Variants in ANKRD34B observed in about 807,000 individuals in gnomAD.
ANKRD34B encodes the protein ankyrin repeat domain-containing protein 34B.
Under a neutral mutation model 4.4 loss-of-function variants are expected in ANKRD34B, and 2 were observed. That is an observed-to-expected ratio of 0.46 (90% CI 0.19 to 1.44). The LOEUF is 1.44. Ranked by LOEUF, ANKRD34B falls within the 40% of genes most tolerant of loss-of-function variation. The probability of loss-of-function intolerance (pLI) is 0.26; values close to 1 mark genes in which losing one functional copy is unlikely to be tolerated. For synonymous variants in ANKRD34B, 226 were observed against 227.1 expected (o/e 0.99, Z 0.05); for missense variants, 558 against 604.7 (o/e 0.92, Z 0.81).
At chr5:80,561,268 A>G (rs1160908936) in intron 4 of ANKRD34B, among the ~76,000 whole-genome samples, 1 of 152,112 alleles carries the variant, frequency 6.6e-6, no homozygotes, top group Non-Finnish European at 1.5e-5. Context: ...AACAGTCCTT[A>G]GAGTTGGGAG....
Position 80,559,495 on chromosome 5 carries a change from A to T in ANKRD34B, c.525T>A (p.Asp175Glu). The change falls in exon 5 of 5, where the codon GAT becomes GAA. Residue 175 changes from aspartate to glutamate, a missense_variant. By Grantham distance (45) the Asp-to-Glu change is conservative. Coordinates refer to ENST00000338682, the MANE Select transcript of ANKRD34B (RefSeq NM_001004441.3). ...TGCAGGTAGCTGGGGAATGACACCC[A>T]TCTATATCCACAGGAGGCATATTTA... ...QYLNMPPVDIDGCHSPATCTT... is the reference protein window; with the variant it reads ...QYLNMPPVDIEGCHSPATCTT... 6.2e-7 allele frequency: 1 copy of T among 1,614,188 alleles called. No homozygotes were observed. The highest frequency in any genetic ancestry group is 8.5e-7 in the Non-Finnish European group (1 of 1,180,036).
intron 2 of ANKRD34B, among the ~76,000 whole-genome samples, chr5:80,567,377 T>G (rs1746600332): frequency 6.6e-6 from 1 of 151,554 alleles, no homozygotes; most frequent in Non-Finnish European, 1.5e-5. Flanking sequence ...CCCAGCACTT[T>G]GGGAGGCCGA....
chr5:80,569,832 G>T (rs1746703080), intron 1 of ANKRD34B, among the ~76,000 whole-genome samples: 1 of 152,206 alleles, frequency 6.6e-6, no homozygotes, highest in Non-Finnish European at 1.5e-5. Context: ...CTGGAACCGA[G>T]AACCAGTGGG....
intron 4 of ANKRD34B, 29 bp from the exon 5 acceptor site, chr5:80,560,071 A>C (rs777893126): frequency 6.0e-6 from 8 of 1,324,136 alleles, no homozygotes; most frequent in Non-Finnish European, 8.3e-6. Context: ...AAAGACCAAA[A>C]GATTAGCCAG....
rs777963590 is a variant in ANKRD34B, at chr5:80,558,616, CTTG to C, written c.1401_1403del (p.Asn467del). Reference sequence around the variant, plus strand: ...GACCACAAGAAAGAAGGCTGCAAATCTTGTTGTTGACATTGATATCTGAGATGG... The same window carrying C: ...GACCACAAGAAAGAAGGCTGCAAATCTTGTTGACATTGATATCTGAGATGG... On this transcript the variant is annotated inframe_deletion, in exon 5 of 5. Transcript: ENST00000338682. The C allele has an allele frequency of 7.4e-6, 12 of 1,613,988 alleles. No homozygotes were observed. The African/African-American group carries it at 1.2e-4, about 16-fold the overall frequency.
intron 4 of ANKRD34B, among the ~76,000 whole-genome samples, chr5:80,562,579 A>G (rs1462476558): frequency 6.6e-6 from 1 of 152,232 alleles, no homozygotes; most frequent in African/African-American, 2.4e-5. Flanking sequence ...CCACGCCCTC[A>G]GCCCTCAGGG....
In ANKRD34B at chr5:80,558,961, G is replaced by A. The variant is rs1237899338; in HGVS notation, c.1059C>T (p.Ser353=). 6.2e-7 allele frequency: 1 copy of A among 1,614,138 alleles called. No homozygotes were observed. Among genetic ancestry groups the A allele is most frequent in the Admixed American group, 1.7e-5 (1 of 60,028 alleles). ...DPDSNQTIFA[S]TLRSIVQKRN... is the part of the protein sequence containing the mutation. ...TTTTTTGAACTATACTTCTTAAGGT[G>A]GAAGCAAATATTGTCTGGTTAGAAT... Residue 353 remains serine (S), a synonymous_variant, in exon 5 of 5, where the codon TCC becomes TCT. Transcript: ENST00000338682.
chr5:80,569,580 ACGCGCCCAAG>A (rs1746692518), intron 1 of ANKRD34B, among the ~76,000 whole-genome samples: 1 of 7,444 alleles, frequency 1.3e-4, no homozygotes, highest in African/African-American at 2.3e-4. Context: ...ACCTGCGGAG[ACGCGCCCAAG>A]TCAGCCCCTC....
rs934173754 is a variant in ANKRD34B at position 80,556,980 on chromosome 5, C to A, written c.*1495G>T. On this transcript the variant is annotated 3_prime_UTR_variant, in exon 5 of 5. Coordinates refer to ENST00000338682, the MANE Select transcript of ANKRD34B (RefSeq NM_001004441.3). ...TTGTTCAAGACATGAAATGGAAAAACCTCTAATTACTTTTTAAAATAAAAG... is the reference window on the plus strand; with the variant it reads ...TTGTTCAAGACATGAAATGGAAAAAACTCTAATTACTTTTTAAAATAAAAG... 1 of 152,372 alleles carries A rather than the reference C, an allele frequency of 6.6e-6. No homozygotes were observed. The highest frequency in any genetic ancestry group is 1.5e-5 in the Non-Finnish European group (1 of 67,984). The allele number at this position is 152,372 out of a possible 1,614,324, so 9.4% of individuals were successfully genotyped here.
intron 2 of ANKRD34B, among the ~76,000 whole-genome samples, chr5:80,568,498 C>T (rs1746642445): frequency 6.6e-6 from 1 of 152,140 alleles, no homozygotes; most frequent in Admixed American, 6.5e-5. Context: ...TGCTGCCCTG[C>T]CTTTCCTAGA....
chr5:80,560,896 G>A (rs879567317), intron 4 of ANKRD34B, among the ~76,000 whole-genome samples: 5 of 152,110 alleles, frequency 3.3e-5, no homozygotes, highest in African/African-American at 9.7e-5. Flanking sequence ...GGGCTACAAC[G>A]TGTTAAAATA....
chr5:80,563,366 A>G (rs78189774), intron 4 of ANKRD34B, among the ~76,000 whole-genome samples: 3,701 of 152,300 alleles, frequency 0.024, 153 homozygotes, highest in African/African-American at 0.084. Context: ...ACTCTTCTAT[A>G]TATCACTTTT....
rs1746326329 is a variant in ANKRD34B, at chr5:80,558,810, A to G, written c.1210T>C (p.Leu404=). ...TCCAACAATTCTTTGGACTCTGACA[A>G]TTGGGAAGGAGATGGTGAGAGGATC... The part of the protein sequence containing the change: ...KKILSPSPSQ[L]SESKELLENI... Residue 404 remains leucine (L), a synonymous_variant, in exon 5 of 5, where the codon TTG becomes CTG. Transcript: ENST00000338682. 1.2e-6 allele frequency: 2 copies of G among 1,614,084 alleles called. No individual in the cohort carries two copies. Among genetic ancestry groups the G allele is most frequent in the Non-Finnish European group, 1.7e-6 (2 of 1,180,016 alleles).
rs768486476 is a variant in ANKRD34B, at chr5:80,558,994, C to T, written c.1026G>A (p.Gln342=). The T allele has an allele frequency of 6.2e-6, 10 of 1,614,026 alleles. No individual in the cohort carries two copies. Among genetic ancestry groups the T allele is most frequent in the Middle Eastern group, 3.3e-4 (2 of 6,084 alleles). Residue 342 remains glutamine (Q), a synonymous_variant, in exon 5 of 5, where the codon CAG becomes CAA. Coordinates refer to ENST00000338682, the MANE Select transcript of ANKRD34B (RefSeq NM_001004441.3). ...ATATTGTCTGGTTAGAATCTGGGTCCTGGTCAACAGGGACTTCAATGCATT... is the reference window on the plus strand; with the variant it reads ...ATATTGTCTGGTTAGAATCTGGGTCTTGGTCAACAGGGACTTCAATGCATT... The part of the protein sequence containing the change: ...NQQCIEVPVD[Q]DPDSNQTIFA...
Position 80,558,393 on chromosome 5 carries a change from G to C in ANKRD34B, c.*82C>G. On this transcript the variant is annotated 3_prime_UTR_variant, in exon 5 of 5. Transcript: ENST00000338682. ...GACTAACCAATCACGAGATTTAAAA[G>C]AATGAACATTTAAGATTTCTTCTCT... 2 of 1,140,296 alleles carry C rather than the reference G, an allele frequency of 1.8e-6. No individual in the cohort carries two copies. Among genetic ancestry groups the C allele is most frequent in the Non-Finnish European group, 2.5e-6 (2 of 809,766 alleles). 70.6% of individuals were successfully genotyped at this position (1,140,296 alleles called of 1,614,324 possible). A position where few individuals can be genotyped will look rare whatever the true frequency, so the allele number is the denominator to read the frequency against.
chr5:80,564,281 G>C (rs1189582547), intron 3 of ANKRD34B: 1 of 152,708 alleles, frequency 6.5e-6, no homozygotes, highest in Non-Finnish European at 1.5e-5. Context: ...CAAAGTGTTG[G>C]GATTACAGGT....
intron 4 of ANKRD34B, among the ~76,000 whole-genome samples, chr5:80,561,625 A>G (rs1377880637): frequency 1.3e-5 from 2 of 152,166 alleles, no homozygotes; most frequent in Non-Finnish European, 2.9e-5. Context: ...GATACTGTAT[A>G]AGCAGCTGGT....
rs769972445 is a variant in ANKRD34B at position 80,559,694 on chromosome 5, G to T, written c.326C>A (p.Ala109Asp). 1 of 1,614,196 alleles carries T rather than the reference G, an allele frequency of 6.2e-7. No individual in the cohort carries two copies. Among genetic ancestry groups the T allele is most frequent in the Admixed American group, 1.7e-5 (1 of 60,022 alleles). Residue 109 changes from alanine to aspartate, a missense_variant, in exon 5 of 5, where the codon GCT (alanine) becomes GAT (aspartate). Transcript: ENST00000338682. ...AGAATGGTCTTGCAAGCTGAGGTCA[G>T]CCCCACTCTTGAGGAGCAAGGAAAC... ...EVVSLLLKSG[A>D]DLSLQDHSSY... is the part of the protein sequence containing the mutation.
At chr5:80,565,441 T>G (rs528538719) in intron 3 of ANKRD34B, among the ~76,000 whole-genome samples, 1 of 152,212 alleles carries the variant, frequency 6.6e-6, no homozygotes, top group South Asian at 2.1e-4. Flanking sequence ...CAGATAATAG[T>G]TCAACTGCAG....
Sources: allele counts gnomAD v4.1 joint callset (sites outside exome capture counted in the v4.1 genomes callset), GRCh38; gene constraint gnomAD v4.1.1; transcripts MANE v1.5; gene names NCBI Gene and HGNC (gene_info 2026-07-23, HGNC 2026-07-21).